The following ECHDC1 variants were observed in gnomAD, a reference collection of about 807,000 sequenced individuals.
The protein encoded by ECHDC1 is ethylmalonyl-CoA decarboxylase.
ECHDC1 carries 29 observed loss-of-function variants against 29.7 expected under a neutral mutation model. The ratio of observed to expected loss-of-function variants is 0.98; its 90% CI spans 0.73 to 1.33. The LOEUF is 1.33. Ranked by LOEUF, ECHDC1 falls within the 40% of genes most tolerant of loss-of-function variation. ECHDC1 has a pLI of 0.00. For missense variants in ECHDC1, 328 were observed against 350.0 expected, an observed-to-expected ratio of 0.94 and a Z score of 0.50; for synonymous variants, 126 against 123.1, an observed-to-expected ratio of 1.02 and a Z score of -0.15.
chr6:127,311,689 A>G (rs1470454474), intron 5 of ECHDC1, among the ~76,000 whole-genome samples: 2 of 108,396 alleles, frequency 1.8e-5, no homozygotes, highest in East Asian at 3.4e-4. Context: ...AAAAAAAAAA[A>G]AAAAAAAAAG....
At chr6:127,292,209 C>G (rs1169826982) in intron 5 of ECHDC1, among the ~76,000 whole-genome samples, 1 of 151,954 alleles carries the variant, frequency 6.6e-6, no homozygotes, top group East Asian at 1.9e-4. Context: ...TTAGAATCAG[C>G]TGAACATAAA....
intron 3 of ECHDC1, among the ~76,000 whole-genome samples, chr6:127,324,725 C>T (rs746834633): frequency 1.1e-4 from 17 of 152,074 alleles, no homozygotes; most frequent in Non-Finnish European, 1.8e-4. Context: ...AGGGGAGTGA[C>T]AAAAGAAGAC....
At chr6:127,303,992 A>G (rs932124439) in intron 5 of ECHDC1, among the ~76,000 whole-genome samples, 2 of 152,164 alleles carry the variant, frequency 1.3e-5, no homozygotes, top group African/African-American at 2.4e-5. Context: ...GGAAGAACAC[A>G]GGCCTGGATG....
At chr6:127,325,868 T>C (rs1446369428) in intron 3 of ECHDC1, among the ~76,000 whole-genome samples, 2 of 152,028 alleles carry the variant, frequency 1.3e-5, no homozygotes, top group African/African-American at 2.4e-5. Flanking sequence ...ACCCGGCTAA[T>C]TTTTTTAATT....
intron 1 of ECHDC1, chr6:127,342,478 G>C: frequency 8.1e-7 from 1 of 1,228,176 alleles, no homozygotes; most frequent in Non-Finnish European, 1.1e-6. Flanking sequence ...AATCAAGAAA[G>C]GATCGCCCGT....
chr6:127,325,894 G>A (rs1783281012), intron 3 of ECHDC1, among the ~76,000 whole-genome samples: 1 of 151,980 alleles, frequency 6.6e-6, no homozygotes, highest in Non-Finnish European at 1.5e-5. Context: ...GTAGAGACAA[G>A]GACTGGCTAT....
In ECHDC1 at chr6:127,290,122, A is replaced by G. The variant is rs1313760003; in HGVS notation, c.653T>C (p.Leu218Pro). The part of the protein sequence containing the change: ...GALKLDSKNA[L>P]NIGMVEEVLQ... ...GACCTCTTCAACCATTCCTATGTTT[A>G]GAGCATTTTTTGAATCCAGTTTAAG... Residue 218 changes from leucine (L) to proline (P), a missense_variant, in exon 6 of 6, where the codon CTA (leucine) becomes CCA (proline). Physicochemically the swap from Leu to Pro is moderately conservative, Grantham distance 98. Transcript: ENST00000454859. 1 of 1,613,734 alleles carries G rather than the reference A, an allele frequency of 6.2e-7. No homozygotes were observed. Among genetic ancestry groups the G allele is most frequent in the Non-Finnish European group, 8.5e-7 (1 of 1,179,766 alleles).
chr6:127,302,689 T>G (rs1469169888), intron 5 of ECHDC1, among the ~76,000 whole-genome samples: 3 of 152,188 alleles, frequency 2.0e-5, no homozygotes, highest in Non-Finnish European at 4.4e-5. Flanking sequence ...CCTGACCCAC[T>G]GTGCCCAGCC....
intron 1 of ECHDC1, among the ~76,000 whole-genome samples, chr6:127,332,771 G>T (rs1222039764): frequency 6.6e-6 from 1 of 152,138 alleles, no homozygotes; most frequent in Non-Finnish European, 1.5e-5. Flanking sequence ...GAAGTTAGCA[G>T]AGGGATGACT....
chr6:127,335,230 C>T (rs1465321567), intron 1 of ECHDC1, among the ~76,000 whole-genome samples: 1 of 152,024 alleles, frequency 6.6e-6, no homozygotes, highest in East Asian at 1.9e-4. Flanking sequence ...GAATACTTAC[C>T]TGAACACACA....
chr6:127,322,314 T>C (rs1339342857), intron 3 of ECHDC1, among the ~76,000 whole-genome samples: 1 of 152,064 alleles, frequency 6.6e-6, no homozygotes, highest in East Asian at 1.9e-4. Flanking sequence ...CTCAATAAAA[T>C]AAAACGAGAT....
rs1452929290 is a variant in ECHDC1, at chr6:127,290,182, C to T, written c.593G>A (p.Gly198Glu). Reference protein sequence around the residue: ...GGTTRLVEIIGSRQALKVLSG... With the variant: ...GGTTRLVEIIESRQALKVLSG... ...CAACACTTTGAGAGCTTGTCTACTT[C>T]CGATTATTTCAACTAGCCGGGTGGT... Residue 198 changes from glycine to glutamate, a missense_variant, in exon 6 of 6, where the codon GGA becomes GAA. Transcript: ENST00000454859. 6.2e-7 allele frequency: 1 copy of T among 1,613,678 alleles called. No individual in the cohort carries two copies. The highest frequency in any genetic ancestry group is 1.3e-5 in the African/African-American group (1 of 74,990).
chr6:127,327,777 T>C lies in ECHDC1; in HGVS notation c.221-633A>G, dbSNP rs550246418. Among the ~76,000 whole-genome samples, 6 of 152,354 alleles carry C rather than the reference T, an allele frequency of 3.9e-5. No individual in the cohort carries two copies. In the South Asian group the frequency reaches 1.2e-3, roughly 32 times the overall value. On this transcript the variant is annotated intron_variant, in intron 2 of 5. Transcript: ENST00000454859. Reference sequence around the variant, plus strand: ...CATTGATTCTATGATTTATAGATTGTTACCTTGATATTACTCCAAAATTCT... The same window carrying C: ...CATTGATTCTATGATTTATAGATTGCTACCTTGATATTACTCCAAAATTCT...
At chr6:127,298,359 G>A (rs1224653414) in intron 5 of ECHDC1, among the ~76,000 whole-genome samples, 2 of 151,808 alleles carry the variant, frequency 1.3e-5, no homozygotes, top group African/African-American at 2.4e-5. Flanking sequence ...TAAAAGCCAA[G>A]CAGTCTGAGT....
At chr6:127,334,812 C>A (rs1172531079) in intron 1 of ECHDC1, among the ~76,000 whole-genome samples, 1 of 151,828 alleles carries the variant, frequency 6.6e-6, no homozygotes, top group African/African-American at 2.4e-5. Flanking sequence ...TAAAGATAAT[C>A]ACTCCCTTTA....
chr6:127,290,063 C>G lies in ECHDC1; in HGVS notation c.712G>C (p.Glu238Gln), dbSNP rs187049479. The G allele has an allele frequency of 1.2e-6, 2 of 1,613,554 alleles. No homozygotes were observed. Among genetic ancestry groups the G allele is most frequent in the African/African-American group, 2.7e-5 (2 of 74,874 alleles). Residue 238 changes from glutamate (E) to glutamine (Q), a missense_variant, in exon 6 of 6, where the codon GAG becomes CAG. Coordinates refer to ENST00000454859, the MANE Select transcript of ECHDC1 (RefSeq NM_001002030.2). ...AATTGCTTTAGCCATTCTTGTGCCTCTTCTAGAGATTTAGTTTCATCTGAA... is the reference window on the plus strand; with the variant it reads ...AATTGCTTTAGCCATTCTTGTGCCTGTTCTAGAGATTTAGTTTCATCTGAA... ...QSSDETKSLE[E>Q]AQEWLKQFIQ...
chr6:127,334,848 T>C (rs373087425), intron 1 of ECHDC1, among the ~76,000 whole-genome samples: 2 of 152,278 alleles, frequency 1.3e-5, no homozygotes, highest in South Asian at 4.1e-4. Flanking sequence ...TATACTGCAA[T>C]AATGTTCCAT....
rs1779927743 is a variant in ECHDC1 at position 127,289,489 on chromosome 6, T to C, written c.*380A>G. 6.1e-6 allele frequency: 1 copy of C among 163,168 alleles called. No homozygotes were observed. Among genetic ancestry groups the C allele is most frequent in the South Asian group, 1.8e-4 (1 of 5,556 alleles). The allele number at this position is 163,168 out of a possible 1,614,324, so 10.1% of individuals were successfully genotyped here. On this transcript the variant is annotated 3_prime_UTR_variant, in exon 6 of 6. Transcript: ENST00000454859. ...GTTCTTTAGCAGCAACACTCAGTTATTTTGGTAAATTATTTCCAGGTAAAA... is the reference window on the plus strand; with the variant it reads ...GTTCTTTAGCAGCAACACTCAGTTACTTTGGTAAATTATTTCCAGGTAAAA...
At chr6:127,303,932 A>C (rs1441002523) in intron 5 of ECHDC1, among the ~76,000 whole-genome samples, 1 of 152,172 alleles carries the variant, frequency 6.6e-6, no homozygotes, top group Non-Finnish European at 1.5e-5. Context: ...AGGCTCCCAG[A>C]CAGCACCTCT....
Sources: allele counts gnomAD v4.1 joint callset (sites outside exome capture counted in the v4.1 genomes callset), GRCh38; gene constraint gnomAD v4.1.1; transcripts MANE v1.5; gene names NCBI Gene and HGNC (gene_info 2026-07-23, HGNC 2026-07-21).